Variants in CUX1 observed in about 807,000 individuals in gnomAD.
The protein encoded by CUX1 is protein CASP.
In CUX1, 31 loss-of-function variants were observed where a neutral mutation model predicts 158.8. The observed-to-expected ratio is 0.20, with a 90% CI of 0.15 to 0.26. The LOEUF is 0.26. Among genes scored for constraint, CUX1 ranks in the 10% least tolerant of loss-of-function variants. The probability of loss-of-function intolerance (pLI) is 1.00; values close to 1 mark genes in which losing one functional copy is unlikely to be tolerated. For missense variants in CUX1, 1,589 were observed against 2,014.6 expected (o/e 0.79, Z 4.04); for synonymous variants, 879 against 862.1 (o/e 1.02, Z -0.34).
At chr7:102,272,132 C>G (rs1281013051) in intron 14 of CUX1, among the ~76,000 whole-genome samples, 1 of 152,220 alleles carries the variant, frequency 6.6e-6, no homozygotes, top group Non-Finnish European at 1.5e-5. Flanking sequence ...GGTCCCAGGT[C>G]GGGAAGCCTC....
At chr7:102,278,072 G>A in intron 18 of CUX1, 1 of 1,595,180 alleles carries the variant, frequency 6.3e-7, no homozygotes, top group Non-Finnish European at 8.6e-7. Context: ...CCGGGTGAGG[G>A]CCCTCCCCTG....
chr7:102,273,903 C>G (rs1554546954), intron 15 of CUX1, among the ~76,000 whole-genome samples: 1 of 152,272 alleles, frequency 6.6e-6, no homozygotes, highest in African/African-American at 2.4e-5. Context: ...CACAGTGGGA[C>G]TCCGGGAGAG....
intron 1 of CUX1, among the ~76,000 whole-genome samples, chr7:101,881,193 G>C (rs983360891): frequency 6.6e-6 from 1 of 152,222 alleles, no homozygotes; most frequent in African/African-American, 2.4e-5. Context: ...ATTACTGTCT[G>C]TCTCGCTCAC....
chr7:101,913,820 G>A (rs1194482670), intron 1 of CUX1, among the ~76,000 whole-genome samples: 1 of 152,160 alleles, frequency 6.6e-6, no homozygotes, highest in African/African-American at 2.4e-5. Context: ...GTCTGTGTGC[G>A]ATTGGAACGA....
chr7:102,097,171 C>G (rs1159760011), intron 4 of CUX1, among the ~76,000 whole-genome samples, 193 bp from the exon 5 acceptor site: 1 of 152,258 alleles, frequency 6.6e-6, no homozygotes, highest in Non-Finnish European at 1.5e-5. Context: ...GGACCCCGGG[C>G]TGGGTCCATC....
chr7:101,978,405 A>G (rs1311659805), intron 2 of CUX1, among the ~76,000 whole-genome samples: 3 of 152,024 alleles, frequency 2.0e-5, no homozygotes, highest in East Asian at 3.9e-4. Flanking sequence ...CTCTCCCCCG[A>G]CATGCCTGGT....
intron 14 of CUX1, among the ~76,000 whole-genome samples, chr7:102,269,118 TTTTG>T (rs71123029): frequency 0.25 from 37,100 of 147,736 alleles, 5,158 homozygotes; most frequent in East Asian, 0.47. Context: ...GTGTGGGTTT[TTTTG>T]TTTGTTTGTT....
Position 102,248,362 on chromosome 7 carries a change from C to G in CUX1, c.3888-50C>G. On this transcript the variant is annotated intron_variant, in intron 23 of 23. Transcript: ENST00000292535. This position sits in a 1 kb window ranked among gnomAD's most constrained non-coding sequence, Gnocchi z 5.8. ...TCTGGCTGGGGTAGCACCAGAGGCC[C>G]TTTCCCCAGCAGCACCCCCCTCACG... 1 of 1,505,504 alleles carries G rather than the reference C, an allele frequency of 6.6e-7. No individual in the cohort carries two copies. Among genetic ancestry groups the G allele is most frequent in the Non-Finnish European group, 8.9e-7 (1 of 1,122,550 alleles). 93.3% of individuals were successfully genotyped at this position (1,505,504 alleles called of 1,614,324 possible). A position where few individuals can be genotyped will look rare whatever the true frequency, so the allele number is the denominator to read the frequency against.
chr7:101,948,294 ATTAG>A (rs2129150112), intron 2 of CUX1, among the ~76,000 whole-genome samples: 1 of 152,320 alleles, frequency 6.6e-6, no homozygotes, highest in Non-Finnish European at 1.5e-5. Context: ...TATCACGACA[ATTAG>A]TTGTTGAGGG....
intron 2 of CUX1, among the ~76,000 whole-genome samples, chr7:101,942,887 C>G (rs1440234961): frequency 6.6e-6 from 1 of 152,194 alleles, no homozygotes; most frequent in Non-Finnish European, 1.5e-5. Context: ...GACCTGGGCC[C>G]AGATCTTGGT....
intron 1 of CUX1, among the ~76,000 whole-genome samples, chr7:101,851,605 G>A (rs968880645): frequency 5.9e-5 from 9 of 152,122 alleles, no homozygotes; most frequent in Non-Finnish European, 1.2e-4. Flanking sequence ...TTGGCTCCCC[G>A]TTTTCTAGCA....
chr7:102,226,563 A>G (rs529039132), intron 20 of CUX1, among the ~76,000 whole-genome samples: 5 of 152,090 alleles, frequency 3.3e-5, no homozygotes, highest in African/African-American at 1.2e-4. Context: ...AAATAAACCA[A>G]CCTAGGTCCT....
In CUX1 at chr7:102,028,105, G is replaced by A. The variant is rs1820255949; in HGVS notation, c.149G>A (p.Arg50His). Reference protein sequence around the residue: ...EFKKNTPEDLRKQVAPLLKSF... With the variant: ...EFKKNTPEDLHKQVAPLLKSF... ...CTCCGCCTCCTGCTCCAGGATTTGCGCAAGCAGGTAGCGCCGCTGCTGAAG... is the reference window on the plus strand; with the variant it reads ...CTCCGCCTCCTGCTCCAGGATTTGCACAAGCAGGTAGCGCCGCTGCTGAAG... Residue 50 changes from arginine (R) to histidine (H), a missense_variant, in exon 3 of 24, where the codon CGC becomes CAC. Around this residue, in one of 8 missense-constraint regions of CUX1, gnomAD observed 63 missense variants for 109.2 expected, o/e 0.58. Transcript: ENST00000292535. The A allele has an allele frequency of 3.7e-6, 6 of 1,612,174 alleles. No individual in the cohort carries two copies. Among genetic ancestry groups the A allele is most frequent in the African/African-American group, 1.3e-5 (1 of 74,842 alleles).
intron 1 of CUX1, among the ~76,000 whole-genome samples, chr7:101,845,106 C>A (rs1795550336): frequency 6.6e-6 from 1 of 151,990 alleles, no homozygotes; most frequent in Non-Finnish European, 1.5e-5. Flanking sequence ...TTCTAGGACA[C>A]CCACTGTACA....
At chr7:101,927,339 A>G (rs1805709069) in intron 2 of CUX1, among the ~76,000 whole-genome samples, 2 of 152,144 alleles carry the variant, frequency 1.3e-5, no homozygotes, top group Admixed American at 6.6e-5. Flanking sequence ...TTCTAAGACC[A>G]GGGATGCTAT....
intron 1 of CUX1, among the ~76,000 whole-genome samples, chr7:101,857,328 T>G (rs1796961956): frequency 6.6e-6 from 1 of 152,246 alleles, no homozygotes; most frequent in Non-Finnish European, 1.5e-5. Context: ...AAGAAATAAC[T>G]ATTTTCTTCT....
intron 2 of CUX1, among the ~76,000 whole-genome samples, chr7:101,975,074 C>A (rs1812479729): frequency 6.6e-6 from 1 of 152,012 alleles, no homozygotes; most frequent in African/African-American, 2.4e-5. Context: ...ATGGCAAAAC[C>A]TCATCGTCCC....
chr7:102,279,176 AC>A (rs1343508845), intron 18 of CUX1, among the ~76,000 whole-genome samples: 1 of 152,106 alleles, frequency 6.6e-6, no homozygotes, highest in Non-Finnish European at 1.5e-5. Context: ...CCCCGTCTCT[AC>A]TAAAAATATA....
At position 102,255,065 on chromosome 7, in the gene CUX1, C is replaced by G; in HGVS notation, c.*6023C>G. 1 of 985,504 alleles carries G rather than the reference C, an allele frequency of 1.0e-6. No individual in the cohort carries two copies. Among genetic ancestry groups the G allele is most frequent in the African/African-American group, 1.7e-5 (1 of 57,320 alleles). 61.0% of individuals were successfully genotyped at this position (985,504 alleles called of 1,614,324 possible). On this transcript the variant is annotated 3_prime_UTR_variant, in exon 24 of 24. Coordinates refer to ENST00000292535, the MANE Select transcript of CUX1 (RefSeq NM_181552.4). ...GGCAGAGCGTAAAACAAGCCCCAGCCCTACTCCCGGCCCCCCAGCCCAGTC... is the reference window on the plus strand; with the variant it reads ...GGCAGAGCGTAAAACAAGCCCCAGCGCTACTCCCGGCCCCCCAGCCCAGTC...
Sources: gnomAD v4.1 joint callset for allele counts (sites outside exome capture counted in the v4.1 genomes callset) on GRCh38, gnomAD v4.1.1 for gene constraint, gnomAD v4.1.1 regional missense constraint, Gnocchi (gnomAD v3.1) non-coding constraint, MANE v1.5 for transcripts, NCBI Gene and HGNC (gene_info 2026-07-23, HGNC 2026-07-21) for gene names.